Variants in GRIK3 observed in about 807,000 individuals in gnomAD.
GRIK3 encodes glutamate ionotropic receptor kainate type subunit 3, also known as glutamate receptor ionotropic, kainate 3.
In GRIK3, 29 loss-of-function variants were observed where a neutral mutation model predicts 102.5. The ratio of observed to expected loss-of-function variants is 0.28; its 90% CI spans 0.21 to 0.39. The LOEUF (loss-of-function observed/expected upper bound fraction) is 0.39. GRIK3 is among the 10% of genes least tolerant of loss of function. The pLI is 1.00. For synonymous variants in GRIK3, 511 were observed against 504.9 expected (o/e 1.01, Z -0.16); for missense variants, 908 against 1,252.4 (o/e 0.73, Z 4.15).
At position 36,841,730 on chromosome 1, in the gene GRIK3, G is replaced by A; in HGVS notation, c.1530+6C>T. On this transcript the variant is annotated splice_donor_region_variant and intron_variant, in intron 10 of 15. Coordinates refer to ENST00000373091, the MANE Select transcript of GRIK3 (RefSeq NM_000831.4). ...TGAGCCCTCCCATGCTCCCATCCAT[G>A]CTTACGTGGTCGATGAGCTCCTTGA... The A allele has an allele frequency of 6.2e-7, 1 of 1,611,406 alleles. No homozygotes were observed. The highest frequency in any genetic ancestry group is 8.5e-7 in the Non-Finnish European group (1 of 1,177,528).
At chr1:36,864,765 A>T (rs1640764271) in intron 5 of GRIK3, among the ~76,000 whole-genome samples, 1 of 152,044 alleles carries the variant, frequency 6.6e-6, no homozygotes, top group Non-Finnish European at 1.5e-5. Context: ...GGCCTGTGGC[A>T]CAGAGTGCCC....
At chr1:36,975,263 A>C (rs1056867100) in intron 1 of GRIK3, among the ~76,000 whole-genome samples, 9 of 150,666 alleles carry the variant, frequency 6.0e-5, no homozygotes, top group South Asian at 2.1e-4. Flanking sequence ...CAAGGCTAAA[A>C]AATCAATGAG....
chr1:36,951,400 G>A (rs1641842138), intron 1 of GRIK3, among the ~76,000 whole-genome samples: 1 of 152,236 alleles, frequency 6.6e-6, no homozygotes, highest in South Asian at 2.1e-4. Flanking sequence ...CAGATGCCCT[G>A]GGGTCTTTTG....
At chr1:36,826,226 G>T (rs1642753733) in intron 10 of GRIK3, among the ~76,000 whole-genome samples, 1 of 152,208 alleles carries the variant, frequency 6.6e-6, no homozygotes, top group Non-Finnish European at 1.5e-5. Flanking sequence ...AAACCACAAA[G>T]AGGACACAGA....
chr1:36,849,634 G>C (rs1303354363), intron 9 of GRIK3: 1 of 152,486 alleles, frequency 6.6e-6, no homozygotes, highest in Non-Finnish European at 1.5e-5. Context: ...GGAGGGACAG[G>C]CACAGGTGGA....
At chr1:36,859,061 C>G in intron 7 of GRIK3, 47 bp downstream of exon 7, 2 of 1,510,892 alleles carry the variant, frequency 1.3e-6, no homozygotes, top group Non-Finnish European at 1.8e-6. Context: ...TCTACAGGGC[C>G]CACAGTCCCG....
chr1:36,941,509 C>T (rs1258793457), intron 1 of GRIK3, among the ~76,000 whole-genome samples: 1 of 152,060 alleles, frequency 6.6e-6, no homozygotes, highest in Non-Finnish European at 1.5e-5. Context: ...GCCTTTGGCT[C>T]CCATGCTGGC....
chr1:37,032,436 A>G (rs1642838319), intron 1 of GRIK3, among the ~76,000 whole-genome samples: 1 of 152,106 alleles, frequency 6.6e-6, no homozygotes, highest in African/African-American at 2.4e-5. Flanking sequence ...CAGGCCCCCA[A>G]AAAAGCAGAG....
At chr1:36,916,798 G>T (rs559190921) in intron 1 of GRIK3, among the ~76,000 whole-genome samples, 1 of 152,226 alleles carries the variant, frequency 6.6e-6, no homozygotes, top group African/African-American at 2.4e-5. Flanking sequence ...TGCTGCAGGG[G>T]TGGGGCCCTC....
chr1:36,867,693 G>A (rs1640800337), intron 5 of GRIK3, among the ~76,000 whole-genome samples: 1 of 152,014 alleles, frequency 6.6e-6, no homozygotes, highest in Non-Finnish European at 1.5e-5. Context: ...GACATTGGGA[G>A]GTTTCAGTAG....
chr1:36,918,771 G>C (rs1371554125), intron 1 of GRIK3, among the ~76,000 whole-genome samples: 1 of 152,166 alleles, frequency 6.6e-6, no homozygotes, highest in Non-Finnish European at 1.5e-5. Context: ...GTGCTGCCTA[G>C]TCTTGCACAG....
intron 8 of GRIK3, among the ~76,000 whole-genome samples, chr1:36,852,936 G>T (rs1640602487): frequency 1.3e-5 from 2 of 152,204 alleles, no homozygotes; most frequent in South Asian, 4.1e-4. Flanking sequence ...TATGCTGAAG[G>T]TTCCCAGGGA....
intron 3 of GRIK3, among the ~76,000 whole-genome samples, chr1:36,879,871 C>T (rs1640947258): frequency 6.6e-6 from 1 of 152,230 alleles, no homozygotes; most frequent in Non-Finnish European, 1.5e-5. Context: ...AGACAACAGC[C>T]TGGTGCTGAC....
At chr1:36,949,670 GT>G (rs1641822928) in intron 1 of GRIK3, among the ~76,000 whole-genome samples, 1 of 147,002 alleles carries the variant, frequency 6.8e-6, no homozygotes, top group Admixed American at 7.0e-5. Flanking sequence ...TGCCTCCCAG[GT>G]TCAGGTGATT....
intron 7 of GRIK3, among the ~76,000 whole-genome samples, chr1:36,854,105 T>G (rs1640619664): frequency 6.6e-6 from 1 of 152,186 alleles, no homozygotes; most frequent in Non-Finnish European, 1.5e-5. Flanking sequence ...AGGGCCAAGC[T>G]GGCCTTGGCT....
intron 10 of GRIK3, among the ~76,000 whole-genome samples, chr1:36,837,546 G>A (rs1218714483): frequency 6.6e-6 from 1 of 152,084 alleles, no homozygotes; most frequent in Non-Finnish European, 1.5e-5. Flanking sequence ...CTTCCATACT[G>A]GCTCAGGTTT....
chr1:37,028,427 A>C (rs567116231), intron 1 of GRIK3, among the ~76,000 whole-genome samples: 1 of 152,234 alleles, frequency 6.6e-6, no homozygotes, highest in African/African-American at 2.4e-5. Context: ...GATGTAGTAC[A>C]TGGAAGGATG....
chr1:36,806,043 G>A lies in GRIK3; in HGVS notation c.2314+61C>T, dbSNP rs560046337. 437 of 1,111,434 alleles carry A rather than the reference G, an allele frequency of 3.9e-4. 2 individuals are homozygous for A. The highest frequency in any genetic ancestry group is 5.4e-4 in the Non-Finnish European group (398 of 740,716). The allele number at this position is 1,111,434 out of a possible 1,614,324, so 68.8% of individuals were successfully genotyped here. A position where few individuals can be genotyped will look rare whatever the true frequency, so the allele number is the denominator to read the frequency against. On this transcript the variant is annotated intron_variant, in intron 14 of 15. Transcript: ENST00000373091. The surrounding 1 kb of genome is among the most constrained non-coding windows in gnomAD (Gnocchi z 4.0). ...TGTGAGACGGAGTGTGAGGGGACGC[G>A]GGGGTGGAGCCCTCCCTCTGCCCAC...
intron 1 of GRIK3, among the ~76,000 whole-genome samples, chr1:36,955,322 C>T (rs1296708630): frequency 6.6e-6 from 1 of 152,182 alleles, no homozygotes; most frequent in Non-Finnish European, 1.5e-5. Flanking sequence ...GGGCCTGACC[C>T]AACACCACCC....
Sources: allele counts gnomAD v4.1 joint callset (sites outside exome capture counted in the v4.1 genomes callset), GRCh38; gene constraint gnomAD v4.1.1; non-coding constraint Gnocchi (gnomAD v3.1); transcripts MANE v1.5; gene names NCBI Gene and HGNC (gene_info 2026-07-23, HGNC 2026-07-21).